APLF: variants seen among roughly 807,000 people sequenced by gnomAD.
The protein encoded by APLF is aprataxin and PNK-like factor.
In APLF, 61 loss-of-function variants were observed where a neutral mutation model predicts 55.6. The observed-to-expected ratio is 1.10, with a 90% CI of 0.89 to 1.36. The LOEUF is 1.36. Among genes scored for constraint, APLF ranks in the 40% most tolerant of loss-of-function variants. APLF has a pLI of 0.00. For missense variants in APLF, 611 were observed against 602.5 expected (o/e 1.01, Z -0.15); for synonymous variants, 207 against 214.8 (o/e 0.96, Z 0.32).
At chr2:68,471,935 T>C (rs1675629819) in intron 1 of APLF, among the ~76,000 whole-genome samples, 1 of 152,078 alleles carries the variant, frequency 6.6e-6, no homozygotes, top group Admixed American at 6.6e-5. Context: ...TTTTTATATA[T>C]TTTAGGGAGG....
intron 4 of APLF, 115 bp downstream of exon 4, chr2:68,513,342 T>A: frequency 7.5e-7 from 1 of 1,331,550 alleles, no homozygotes; most frequent in East Asian, 2.4e-5. Flanking sequence ...TTATCTACTT[T>A]TGCTGATTTT....
At chr2:68,574,240 T>G (rs1054729377) in intron 9 of APLF, among the ~76,000 whole-genome samples, 4 of 152,122 alleles carry the variant, frequency 2.6e-5, no homozygotes, top group Non-Finnish European at 5.9e-5. Context: ...CAGAATTGGA[T>G]ATTTCTCTAA....
At chr2:68,537,380 T>C (rs1470605656) in intron 6 of APLF, among the ~76,000 whole-genome samples, 2 of 151,970 alleles carry the variant, frequency 1.3e-5, no homozygotes, top group African/African-American at 2.4e-5. Flanking sequence ...TTTTTTTTTT[T>C]CTTTGAGATG....
intron 7 of APLF, among the ~76,000 whole-genome samples, chr2:68,541,242 G>A (rs1340908661): frequency 6.6e-6 from 1 of 152,096 alleles, no homozygotes; most frequent in East Asian, 1.9e-4. Flanking sequence ...TCTTAAGCAT[G>A]TTATAAAATG....
chr2:68,549,583 T>C (rs184702278), intron 8 of APLF, among the ~76,000 whole-genome samples: 1 of 152,236 alleles, frequency 6.6e-6, no homozygotes, highest in East Asian at 1.9e-4. Flanking sequence ...GTGACTTTTA[T>C]TGAACATATG....
chr2:68,518,997 ATATAT>A (rs202074844), intron 5 of APLF, among the ~76,000 whole-genome samples: 1,465 of 124,306 alleles, frequency 0.012, 28 homozygotes, highest in African/African-American at 0.043. Context: ...ATATCTGATA[ATATAT>A]TATTAATATA....
chr2:68,553,859 A>G (rs1158433872), intron 8 of APLF, among the ~76,000 whole-genome samples: 4 of 152,072 alleles, frequency 2.6e-5, no homozygotes, highest in Non-Finnish European at 4.4e-5. Flanking sequence ...AGTAAAAACA[A>G]TTATTCCCTT....
intron 8 of APLF, among the ~76,000 whole-genome samples, chr2:68,549,495 C>A (rs1670796521): frequency 1.3e-5 from 2 of 152,030 alleles, no homozygotes; most frequent in South Asian, 2.1e-4. Context: ...TAATTTAATT[C>A]CATATGGTTA....
intron 2 of APLF, among the ~76,000 whole-genome samples, chr2:68,490,553 C>T (rs571101345): frequency 5.9e-5 from 9 of 152,174 alleles, no homozygotes; most frequent in African/African-American, 1.9e-4. Context: ...AATAAGAAAG[C>T]CCATAACTAT....
intron 5 of APLF, among the ~76,000 whole-genome samples, chr2:68,519,353 A>G (rs1005869816): frequency 6.8e-6 from 1 of 147,676 alleles, no homozygotes; most frequent in Non-Finnish European, 1.5e-5. Flanking sequence ...CATGATTCAT[A>G]TTTTAAGTGG....
At chr2:68,511,207 G>A (rs1203716059) in intron 3 of APLF, among the ~76,000 whole-genome samples, 1 of 151,674 alleles carries the variant, frequency 6.6e-6, no homozygotes, top group Non-Finnish European at 1.5e-5. Flanking sequence ...TATAAAAAAG[G>A]ATAACTCAAT....
At chr2:68,480,772 G>T (rs1675927557) in intron 1 of APLF, among the ~76,000 whole-genome samples, 1 of 152,116 alleles carries the variant, frequency 6.6e-6, no homozygotes, top group African/African-American at 2.4e-5. Context: ...GCCCTTTATT[G>T]TGTTGAGGTA....
At chr2:68,575,563 T>C (rs1297600578) in intron 9 of APLF, among the ~76,000 whole-genome samples, 2 of 151,920 alleles carry the variant, frequency 1.3e-5, no homozygotes, top group Non-Finnish European at 2.9e-5. Flanking sequence ...AATGATAGTA[T>C]TGGGGCCAGG....
At position 68,498,432 on chromosome 2, in the gene APLF, A is replaced by C. The variant is rs1307985441; in HGVS notation, c.169-4299A>C. ...CAAACTTACCACCAAATAAAAAAAT[A>C]GCTTTGACAAGGAGAGTTGAATGCA... On this transcript the variant is annotated intron_variant, in intron 2 of 9. Coordinates refer to ENST00000303795, the MANE Select transcript of APLF (RefSeq NM_173545.3). Among the ~76,000 whole-genome samples, 13 of 152,362 alleles carry C rather than the reference A, an allele frequency of 8.5e-5. No individual in the cohort carries two copies. The East Asian group carries it at 1.5e-3, about 18-fold the overall frequency.
intron 8 of APLF, among the ~76,000 whole-genome samples, chr2:68,554,429 TG>T (rs1056110352): frequency 2.3e-4 from 35 of 152,086 alleles, no homozygotes; most frequent in African/African-American, 8.4e-4. Flanking sequence ...AACTAATTGG[TG>T]TTTTCATTTG....
chr2:68,500,611 T>A (rs545481226), intron 2 of APLF, among the ~76,000 whole-genome samples: 1 of 152,242 alleles, frequency 6.6e-6, no homozygotes, highest in Non-Finnish European at 1.5e-5. Context: ...TTTAAAATGC[T>A]CATGAATGAG....
chr2:68,556,952 G>A (rs892807969), intron 8 of APLF, among the ~76,000 whole-genome samples: 1 of 152,156 alleles, frequency 6.6e-6, no homozygotes, highest in Non-Finnish European at 1.5e-5. Flanking sequence ...ATATGTGATG[G>A]TGAGTAAATC....
rs1226969607 is a variant in APLF, at chr2:68,567,375, A to G, written c.1321A>G (p.Asn441Asp). 1.9e-6 allele frequency: 3 copies of G among 1,602,974 alleles called. No individual in the cohort carries two copies. The highest frequency in any genetic ancestry group is 2.7e-5 in the African/African-American group (2 of 74,058). ...NPQHKIEYRH[N>D]TLPVRNVLDE... Reference sequence around the variant, plus strand: ...CCAGCACAAGATAGAATATAGACATAATACGCTTCCAGGTAAGTAAGTTTA... The same window carrying G: ...CCAGCACAAGATAGAATATAGACATGATACGCTTCCAGGTAAGTAAGTTTA... The change falls in exon 9 of 10, where the codon AAT becomes GAT. Residue 441 changes from asparagine to aspartate, a missense_variant. Transcript: ENST00000303795.
Position 68,538,142 on chromosome 2 carries a change from GC to G in APLF, c.1076del (p.Ala359GlufsTer78). The G allele has an allele frequency of 1.6e-5, 26 of 1,614,102 alleles. No individual in the cohort carries two copies. Among genetic ancestry groups the G allele is most frequent in the Non-Finnish European group, 2.2e-5 (26 of 1,179,958 alleles). Reference sequence around the variant, plus strand: ...TCCCTCCAATCCTGAAACTTTGCATGCAAAGGCAACTGATTCAGTTCTACAA... The same window carrying G: ...TCCCTCCAATCCTGAAACTTTGCATGAAAGGCAACTGATTCAGTTCTACAA... ...SNPSNPETLHAKATDSVLQGS... is the reference protein window; with the variant it reads ...SNPSNPETLHXKATDSVLQGS... On this transcript the variant is annotated frameshift_variant, in exon 7 of 10. Coordinates refer to ENST00000303795, the MANE Select transcript of APLF (RefSeq NM_173545.3). LOFTEE classifies it high-confidence loss of function.
Sources: allele counts gnomAD v4.1 joint callset (sites outside exome capture counted in the v4.1 genomes callset), GRCh38; gene constraint gnomAD v4.1.1; transcripts MANE v1.5; gene names NCBI Gene and HGNC (gene_info 2026-07-23, HGNC 2026-07-21).